The following KIF19 variants were observed in gnomAD, a reference collection of about 807,000 sequenced individuals.
KIF19 encodes the protein kinesin family member 19, also known as kinesin-like protein KIF19.
In KIF19, 98 loss-of-function variants were observed where a neutral mutation model predicts 106.6. The observed-to-expected ratio is 0.92, with a 90% CI of 0.78 to 1.09. The LOEUF (loss-of-function observed/expected upper bound fraction) is 1.09. KIF19 is among the 50% of genes least tolerant of loss of function. The pLI is 0.00. For synonymous variants in KIF19, 516 were observed against 584.2 expected (o/e 0.88, Z 1.68); for missense variants, 1,373 against 1,414.3 (o/e 0.97, Z 0.47).
intron 2 of KIF19, among the ~76,000 whole-genome samples, chr17:74,336,941 T>C (rs2054232319): frequency 1.3e-5 from 2 of 152,230 alleles, no homozygotes; most frequent in South Asian, 4.1e-4. Flanking sequence ...TTCTCCTGCC[T>C]CAGCCCCCCA....
At chr17:74,349,138 A>G (rs781653816) in intron 9 of KIF19, 46 bp from the exon 10 acceptor site, 12 of 1,609,524 alleles carry the variant, frequency 7.5e-6, no homozygotes, top group East Asian at 6.7e-5. Context: ...CGGTGAGTGC[A>G]CCTGGGGTGA....
chr17:74,340,945 G>A (rs1471225879), intron 2 of KIF19, among the ~76,000 whole-genome samples: 2 of 149,154 alleles, frequency 1.3e-5, no homozygotes, highest in Non-Finnish European at 3.0e-5. Flanking sequence ...GATGTGTGAC[G>A]ACCTGGGGGG....
At chr17:74,334,755 C>CAAACAG (rs376603531) in intron 2 of KIF19, among the ~76,000 whole-genome samples, 12 of 152,158 alleles carry the variant, frequency 7.9e-5, no homozygotes, top group Non-Finnish European at 1.2e-4. Flanking sequence ...AACAAACAAA[C>CAAACAG]AAACAGAAAC....
At chr17:74,344,729 G>A (rs756278210) in intron 6 of KIF19, 32 bp from the exon 7 acceptor site, 23 of 1,586,258 alleles carry the variant, frequency 1.4e-5, no homozygotes, top group Non-Finnish European at 1.4e-5. Context: ...TACGGCAGTC[G>A]CTAAGAGCTG....
Position 74,331,401 on chromosome 17 carries a change from G to A in KIF19, c.120+2896G>A, listed in dbSNP as rs947729364. ...CAGTAACCCGCTGGGCTGGGCCACC[G>A]TGAGGGGTCCTGGGGCAGCTTTCTT... On this transcript the variant is annotated intron_variant, in intron 2 of 19. Coordinates refer to ENST00000389916, the MANE Select transcript of KIF19 (RefSeq NM_153209.4). The surrounding 1 kb of genome is among the most constrained non-coding windows in gnomAD (Gnocchi z 4.1). 1.5e-4 allele frequency among the ~76,000 whole-genome samples: 23 copies of A among 152,132 alleles called. No homozygotes were observed. The highest frequency in any genetic ancestry group is 5.3e-4 in the African/African-American group (22 of 41,422).
intron 2 of KIF19, among the ~76,000 whole-genome samples, chr17:74,338,223 C>T (rs1432049673): frequency 1.3e-5 from 2 of 152,190 alleles, no homozygotes; most frequent in Non-Finnish European, 2.9e-5. Flanking sequence ...GGGATGAGAG[C>T]GGGAGCAGCT....
Position 74,353,115 on chromosome 17 carries a change from C to T in KIF19, c.2115-81C>T, listed in dbSNP as rs539556749. On this transcript the variant is annotated intron_variant, in intron 15 of 19. Coordinates refer to ENST00000389916, the MANE Select transcript of KIF19 (RefSeq NM_153209.4). ...TGGGTTCTCTCTCCTTTCACACCAACAGCTTCTCCCCTGGGGTGGGGGTGG... is the reference window on the plus strand; with the variant it reads ...TGGGTTCTCTCTCCTTTCACACCAATAGCTTCTCCCCTGGGGTGGGGGTGG... 35 of 1,411,788 alleles carry T rather than the reference C, an allele frequency of 2.5e-5. No individual in the cohort carries two copies. In the African/African-American group the frequency reaches 4.5e-4, roughly 18 times the overall value. The allele number at this position is 1,411,788 out of a possible 1,614,324, so 87.5% of individuals were successfully genotyped here.
At chr17:74,336,970 C>T (rs1814831) in intron 2 of KIF19, among the ~76,000 whole-genome samples, 64,554 of 152,006 alleles carry the variant, frequency 0.42, 13,926 homozygotes, top group Non-Finnish European at 0.48. Flanking sequence ...GGACTACAGG[C>T]GCGTGCCACC....
intron 7 of KIF19, among the ~76,000 whole-genome samples, chr17:74,345,173 G>A (rs796526420): frequency 2.5e-4 from 38 of 152,242 alleles, no homozygotes; most frequent in African/African-American, 8.9e-4. Flanking sequence ...CCCGGGTTAA[G>A]GAAGTGAGGA....
rs1043045006 is a variant in KIF19 at position 74,354,895 on chromosome 17, C to T, written c.2820C>T (p.Val940=). 3.8e-6 allele frequency: 6 copies of T among 1,571,756 alleles called. No homozygotes were observed. The highest frequency in any genetic ancestry group is 5.2e-6 in the Non-Finnish European group (6 of 1,159,018). ...PAPGIRHLGK[V]TLPLAKVKLP... ...CTGGTATCCGGCATCTGGGAAAGGT[C>T]ACGCTACCTTTGGCCAAAGTCAAAC... Residue 940 remains valine, a synonymous_variant, in exon 19 of 20, where the codon GTC becomes GTT. Coordinates refer to ENST00000389916, the MANE Select transcript of KIF19 (RefSeq NM_153209.4).
At chr17:74,342,501 C>T in intron 3 of KIF19, 129 bp from the exon 4 acceptor site, 1 of 689,236 alleles carries the variant, frequency 1.5e-6, no homozygotes, top group Non-Finnish European at 2.5e-6. Context: ...CCACCCCCCA[C>T]CCCCACTTAT....
At chr17:74,349,415 G>A (rs977931990) in intron 10 of KIF19, 66 bp downstream of exon 10, 12 of 1,458,748 alleles carry the variant, frequency 8.2e-6, no homozygotes, top group Non-Finnish European at 1.1e-5. Context: ...CTGGGATCAG[G>A]CCATGTTGTG....
rs895247736 is a variant in KIF19, at chr17:74,341,869, C to G, written c.121-7C>G. On this transcript the variant is annotated splice_polypyrimidine_tract_variant and splice_region_variant and intron_variant, in intron 2 of 19. Coordinates refer to ENST00000389916, the MANE Select transcript of KIF19 (RefSeq NM_153209.4). ...TGACCGTGGGCCTCCCTCTGGGGAC[C>G]TTGCAGATGGTGGTTCTCATGGACC... is the stretch of plus-strand genomic sequence containing the variant. 6.8e-6 allele frequency: 11 copies of G among 1,611,380 alleles called. No homozygotes were observed. The African/African-American group carries it at 1.3e-4, about 20-fold the overall frequency.
At position 74,342,856 on chromosome 17, in the gene KIF19, A is replaced by G. The variant is rs1425897483; in HGVS notation, c.319+139A>G. 5 of 1,181,728 alleles carry G rather than the reference A, an allele frequency of 4.2e-6. No homozygotes were observed. The East Asian group carries it at 7.6e-5, about 18-fold the overall frequency. The allele number at this position is 1,181,728 out of a possible 1,614,324, so 73.2% of individuals were successfully genotyped here. A position where few individuals can be genotyped will look rare whatever the true frequency, so the allele number is the denominator to read the frequency against. ...ATCTCACCCAGGGCCCTCCAGCCCC[A>G]GAGGCCCCAACCCGAGCCGGGGCAT... is the stretch of plus-strand genomic sequence containing the variant. On this transcript the variant is annotated intron_variant, in intron 4 of 19. Transcript: ENST00000389916.
chr17:74,353,385 AC>A, intron 16 of KIF19, 84 bp downstream of exon 16: 3 of 1,437,136 alleles, frequency 2.1e-6, no homozygotes, highest in Non-Finnish European at 2.9e-6. Flanking sequence ...GTTGGGATGG[AC>A]CCTTTCCCAA....
In KIF19 at chr17:74,354,174, T is replaced by TG. The variant is rs2054804363; in HGVS notation, c.2321_2322insG (p.Ile774MetfsTer70). 2 of 1,607,474 alleles carry TG rather than the reference T, an allele frequency of 1.2e-6. No individual in the cohort carries two copies. The highest frequency in any genetic ancestry group is 1.7e-5 in the Admixed American group (1 of 59,442). The stretch of plus-strand genomic sequence containing the variant: ...TGTCCCGCTGCAGAGAGGAAGGAGA[T>TG]CCTGACTGGCACCAAGTGCATCTGG... On this transcript the variant is annotated frameshift_variant, in exon 18 of 20. Coordinates refer to ENST00000389916, the MANE Select transcript of KIF19 (RefSeq NM_153209.4). LOFTEE classifies it high-confidence loss of function.
At chr17:74,354,103 G>A in intron 17 of KIF19, 59 bp from the exon 18 acceptor site, 1 of 1,526,974 alleles carries the variant, frequency 6.5e-7, no homozygotes, top group Non-Finnish European at 8.8e-7. Context: ...CCATGTCAGA[G>A]GAGGGTGTTG....
At chr17:74,344,065 C>T (rs1298885615) in intron 5 of KIF19, among the ~76,000 whole-genome samples, 158 bp from the exon 6 acceptor site, 1 of 152,132 alleles carries the variant, frequency 6.6e-6, no homozygotes, top group South Asian at 2.1e-4. Flanking sequence ...AAGGAAAGGG[C>T]CTTTCCTCCT....
Position 74,354,816 on chromosome 17 carries a change from A to T in KIF19, c.2741A>T (p.His914Leu). 6.4e-7 allele frequency: 1 copy of T among 1,560,128 alleles called. No individual in the cohort carries two copies. Among genetic ancestry groups the T allele is most frequent in the East Asian group, 2.4e-5 (1 of 41,412 alleles). ...CCCAAGACACACCTCCTGGGGCCCC[A>T]TCAGGCGGAGCGCATCTCGGACCAC... Reference protein sequence around the residue: ...SHPKTHLLGPHQAERISDHRM... With the variant: ...SHPKTHLLGPLQAERISDHRM... Residue 914 changes from histidine to leucine, a missense_variant, in exon 19 of 20, where the codon CAT (histidine) becomes CTT (leucine). Physicochemically the swap from His to Leu is moderately conservative, Grantham distance 99. Around this residue, in one of 3 missense-constraint regions of KIF19, gnomAD observed 1,020 missense variants for 1,008.2 expected, o/e 1.01. Coordinates refer to ENST00000389916, the MANE Select transcript of KIF19 (RefSeq NM_153209.4).
Sources: gnomAD v4.1 joint callset for allele counts (sites outside exome capture counted in the v4.1 genomes callset) on GRCh38, gnomAD v4.1.1 for gene constraint, gnomAD v4.1.1 regional missense constraint, Gnocchi (gnomAD v3.1) non-coding constraint, MANE v1.5 for transcripts, NCBI Gene and HGNC (gene_info 2026-07-23, HGNC 2026-07-21) for gene names.